The following GABRB1 variants were observed in gnomAD, a reference collection of about 807,000 sequenced individuals.
GABRB1 encodes the protein gamma-aminobutyric acid receptor subunit beta-1.
A neutral mutation model predicts 51.6 loss-of-function variants in GABRB1; 17 were observed. The observed-to-expected ratio is 0.33, with a 90% CI of 0.23 to 0.49. The LOEUF (loss-of-function observed/expected upper bound fraction) is 0.49, where lower values mean the gene tolerates loss of function less well. Ranked by LOEUF, GABRB1 falls within the 20% of genes least tolerant of loss-of-function variation. The pLI is 0.99. For missense variants in GABRB1, 410 were observed against 600.6 expected, an observed-to-expected ratio of 0.68 and a Z score of 3.32; for synonymous variants, 247 against 218.9, an observed-to-expected ratio of 1.13 and a Z score of -1.14.
chr4:47,386,186 C>A (rs924601448), intron 5 of GABRB1, among the ~76,000 whole-genome samples: 1 of 152,150 alleles, frequency 6.6e-6, no homozygotes, highest in Non-Finnish European at 1.5e-5. Context: ...TGACAACCAG[C>A]CCCCATCCTG....
intron 4 of GABRB1, among the ~76,000 whole-genome samples, chr4:47,286,522 C>T (rs1223168048): frequency 6.6e-6 from 1 of 152,070 alleles, no homozygotes; most frequent in Non-Finnish European, 1.5e-5. Context: ...TGTGCTCCTG[C>T]TACGCCAGAA....
chr4:47,400,541 TCTCTC>T (rs1338758119), intron 5 of GABRB1, among the ~76,000 whole-genome samples: 1 of 148,396 alleles, frequency 6.7e-6, no homozygotes. Flanking sequence ...TCTCTCTCTC[TCTCTC>T]TCTCTCTCAG....
At chr4:47,273,397 C>A (rs1361057134) in intron 4 of GABRB1, among the ~76,000 whole-genome samples, 2 of 152,102 alleles carry the variant, frequency 1.3e-5, no homozygotes, top group African/African-American at 4.8e-5. Context: ...TTATTTCCTG[C>A]CAATCTTGTG....
chr4:47,370,942 A>G (rs1454518377), intron 5 of GABRB1, among the ~76,000 whole-genome samples: 2 of 151,534 alleles, frequency 1.3e-5, no homozygotes, highest in South Asian at 2.1e-4. Flanking sequence ...TTCAACTTTT[A>G]TTTTAAGTTC....
intron 4 of GABRB1, among the ~76,000 whole-genome samples, chr4:47,299,039 T>C (rs1161717031): frequency 6.6e-6 from 1 of 151,544 alleles, no homozygotes; most frequent in Non-Finnish European, 1.5e-5. Flanking sequence ...TAGCCATATG[T>C]AGAAAGCTGA....
Position 47,059,142 on chromosome 4 carries a change from T to G in GABRB1, c.240+26658T>G, listed in dbSNP as rs573321787. On this transcript the variant is annotated intron_variant, in intron 3 of 8. Coordinates refer to ENST00000295454, the MANE Select transcript of GABRB1 (RefSeq NM_000812.4). ...GGAGGAGTGCTATGAGCTAATTCAG[T>G]CTTAGAGAAACTTCTCTATACTATG... Among the ~76,000 whole-genome samples the G allele has an allele frequency of 1.3e-4, 20 of 152,292 alleles. No individual in the cohort carries two copies. In the East Asian group the frequency reaches 3.3e-3, roughly 25 times the overall value.
At chr4:47,132,663 T>A (rs1429032109) in intron 3 of GABRB1, among the ~76,000 whole-genome samples, 1 of 152,202 alleles carries the variant, frequency 6.6e-6, no homozygotes, top group Non-Finnish European at 1.5e-5. Flanking sequence ...CAACAAATAC[T>A]GGAAACGCTC....
At chr4:47,188,338 C>T (rs1034365353) in intron 4 of GABRB1, among the ~76,000 whole-genome samples, 1 of 151,942 alleles carries the variant, frequency 6.6e-6, no homozygotes, top group Non-Finnish European at 1.5e-5. Flanking sequence ...ATTTTATAGT[C>T]ACTTTGGACG....
intron 1 of GABRB1, among the ~76,000 whole-genome samples, chr4:47,004,324 A>AT (rs1280130653): frequency 1.3e-5 from 2 of 152,062 alleles, no homozygotes; most frequent in South Asian, 2.1e-4. Context: ...AAGTTCTTTA[A>AT]TTTTTCCCAG....
At chr4:47,335,468 C>A (rs1196442041) in intron 5 of GABRB1, among the ~76,000 whole-genome samples, 1 of 152,014 alleles carries the variant, frequency 6.6e-6, no homozygotes, top group Non-Finnish European at 1.5e-5. Context: ...CCCTGTTGTC[C>A]ATCTGATTAT....
intron 4 of GABRB1, among the ~76,000 whole-genome samples, chr4:47,179,251 T>A (rs1718840985): frequency 6.6e-6 from 1 of 152,108 alleles, no homozygotes; most frequent in African/African-American, 2.4e-5. Context: ...TTGCTGAGAA[T>A]GATGATTTCC....
At position 47,173,730 on chromosome 4, in the gene GABRB1, T is replaced by C. The variant is rs140237692; in HGVS notation, c.461+12261T>C. On this transcript the variant is annotated intron_variant, in intron 4 of 8. Coordinates refer to ENST00000295454, the MANE Select transcript of GABRB1 (RefSeq NM_000812.4). ...GTTTATTTGAGTTTTCTACCTGTTC[T>C]TGTGCCCCTGTTCTCTCTTCTTCCT... Among the ~76,000 whole-genome samples, 315 of 152,294 alleles carry C rather than the reference T, an allele frequency of 2.1e-3. 3 individuals carry two copies. The highest frequency in any genetic ancestry group is 7.4e-3 in the African/African-American group (308 of 41,568).
At chr4:47,060,574 A>C (rs909146108) in intron 3 of GABRB1, among the ~76,000 whole-genome samples, 1 of 152,206 alleles carries the variant, frequency 6.6e-6, no homozygotes, top group African/African-American at 2.4e-5. Context: ...TAGAAAGCAT[A>C]CTAGGAAATC....
intron 1 of GABRB1, among the ~76,000 whole-genome samples, chr4:47,004,563 A>T (rs1232079961): frequency 6.6e-6 from 1 of 152,200 alleles, no homozygotes; most frequent in Non-Finnish European, 1.5e-5. Context: ...TTTAATTTCC[A>T]ATGTCTTTGA....
At chr4:47,032,252 C>T (rs111783521) in intron 2 of GABRB1, among the ~76,000 whole-genome samples, 165 bp from the exon 3 acceptor site, 1 of 152,186 alleles carries the variant, frequency 6.6e-6, no homozygotes, top group African/African-American at 2.4e-5. Flanking sequence ...CTGCATCACG[C>T]GTGTGCCCAC....
At chr4:47,330,770 A>G (rs1457368847) in intron 5 of GABRB1, among the ~76,000 whole-genome samples, 1 of 152,216 alleles carries the variant, frequency 6.6e-6, no homozygotes, top group African/African-American at 2.4e-5. Context: ...CCTATCTCAA[A>G]TATTAATTCT....
At position 47,195,468 on chromosome 4, in the gene GABRB1, TAGATA is replaced by T. The variant is rs1560580462; in HGVS notation, c.461+34000_461+34004del. On this transcript the variant is annotated intron_variant, in intron 4 of 8. Transcript: ENST00000295454. Reference sequence around the variant, plus strand: ...GATGATAGATAGATTAGATGATAGATAGATAGATAGATAGATAGATAGATAGATAG... The same window carrying T: ...GATGATAGATAGATTAGATGATAGATGATAGATAGATAGATAGATAGATAG... Among the ~76,000 whole-genome samples, 277 of 88,140 alleles carry T rather than the reference TAGATA, an allele frequency of 3.1e-3. 3 individuals carry two copies. Among genetic ancestry groups the T allele is most frequent in the East Asian group, 0.02 (66 of 3,220 alleles). 57.8% of individuals were successfully genotyped at this position (88,140 alleles called of 152,430 possible).
At chr4:47,164,894 C>T (rs370487832) in intron 4 of GABRB1, among the ~76,000 whole-genome samples, 2 of 152,186 alleles carry the variant, frequency 1.3e-5, no homozygotes, top group African/African-American at 2.4e-5. Flanking sequence ...TTGGGAGAGA[C>T]TTCATTCCTT....
chr4:47,117,865 A>G (rs1183822606), intron 3 of GABRB1, among the ~76,000 whole-genome samples: 1 of 152,188 alleles, frequency 6.6e-6, no homozygotes, highest in African/African-American at 2.4e-5. Flanking sequence ...GACATTTTAA[A>G]TAAAGTGTCT....
Sources: gnomAD v4.1 joint callset for allele counts (sites outside exome capture counted in the v4.1 genomes callset) on GRCh38, gnomAD v4.1.1 for gene constraint, MANE v1.5 for transcripts, NCBI Gene and HGNC (gene_info 2026-07-23, HGNC 2026-07-21) for gene names.